PCDHB15: variants seen among roughly 807,000 people sequenced by gnomAD.
PCDHB15 encodes the protein protocadherin beta-15.
For missense variants in PCDHB15, 1,032 were observed against 991.7 expected, an observed-to-expected ratio of 1.04 and a Z score of -0.55; for synonymous variants, 492 against 447.9, an observed-to-expected ratio of 1.10 and a Z score of -1.24.
At position 141,245,922 on chromosome 5, in the gene PCDHB15, A is replaced by C; in HGVS notation, c.344A>C (p.Glu115Ala). The C allele has an allele frequency of 6.2e-7, 1 of 1,614,134 alleles. No individual in the cohort carries two copies. Among genetic ancestry groups the C allele is most frequent in the Non-Finnish European group, 8.5e-7 (1 of 1,180,020 alleles). The change falls in exon 1 of 1, where the codon GAA becomes GCA. Residue 115 changes from glutamate (E) to alanine (A), a missense_variant. Transcript: ENST00000231173. ...HFQVLLKKPL[E>A]VFRAELLVTD... Reference sequence around the variant, plus strand: ...CAAGTGTTACTGAAAAAACCTTTGGAAGTATTTCGAGCTGAACTACTAGTG... The same window carrying C: ...CAAGTGTTACTGAAAAAACCTTTGGCAGTATTTCGAGCTGAACTACTAGTG...
At position 141,247,886 on chromosome 5, in the gene PCDHB15, A is replaced by C. The variant is rs149027500; in HGVS notation, c.2308A>C (p.Ile770Leu). 33 of 1,614,092 alleles carry C rather than the reference A, an allele frequency of 2.0e-5. No homozygotes were observed. The highest frequency in any genetic ancestry group is 2.6e-5 in the Non-Finnish European group (31 of 1,179,936). ...ESNDFKFLKP[I>L]FPNIVSQDSR... ...TAATGATTTCAAGTTCTTGAAGCCT[A>C]TATTCCCAAATATTGTAAGCCAGGA... Residue 770 changes from isoleucine (I) to leucine (L), a missense_variant, in exon 1 of 1, where the codon ATA becomes CTA. Physicochemically the swap from Ile to Leu is conservative, Grantham distance 5. Coordinates refer to ENST00000231173, the MANE Select transcript of PCDHB15 (RefSeq NM_018935.4).
Position 141,246,707 on chromosome 5 carries a change from GA to G in PCDHB15, c.1133del (p.Asn378MetfsTer4). The G allele has an allele frequency of 6.2e-7, 1 of 1,614,134 alleles. No individual in the cohort carries two copies. Among genetic ancestry groups the G allele is most frequent in the Non-Finnish European group, 8.5e-7 (1 of 1,180,026 alleles). ...TAGGATTAGAGACCGAGACTCTGGG[GA>G]AAATGGAAAAATGATTTGCTCAATT... ...LFRIRDRDSG[E>X]NGKMICSIQD... On this transcript the variant is annotated frameshift_variant, in exon 1 of 1. Transcript: ENST00000231173. LOFTEE classifies it low-confidence loss of function (END_TRUNC).
In PCDHB15 at chr5:141,247,560, T is replaced by C. The variant is rs1554292262; in HGVS notation, c.1982T>C (p.Leu661Pro). 3 of 1,609,326 alleles carry C rather than the reference T, an allele frequency of 1.9e-6. No individual in the cohort carries two copies. The highest frequency in any genetic ancestry group is 3.3e-5 in the Admixed American group (2 of 60,020). ...PRSATATLQV[L>P]LVDGFSQPYL... ...TCGGCCACCGCCACGCTGCAAGTGC[T>C]CCTGGTGGACGGCTTCTCTCAGCCC... The change falls in exon 1 of 1, where the codon CTC becomes CCC. Residue 661 changes from leucine (L) to proline (P), a missense_variant. Physicochemically the swap from Leu to Pro is moderately conservative, Grantham distance 98. Coordinates refer to ENST00000231173, the MANE Select transcript of PCDHB15 (RefSeq NM_018935.4).
At position 141,247,609 on chromosome 5, in the gene PCDHB15, C is replaced by T. The variant is rs1554292278; in HGVS notation, c.2031C>T (p.Ala677=). 6.2e-7 allele frequency: 1 copy of T among 1,610,344 alleles called. No individual in the cohort carries two copies. The highest frequency in any genetic ancestry group is 1.1e-5 in the South Asian group (1 of 91,008). Residue 677 remains alanine (A), a synonymous_variant, in exon 1 of 1, where the codon GCC becomes GCT. Coordinates refer to ENST00000231173, the MANE Select transcript of PCDHB15 (RefSeq NM_018935.4). ...SQPYLPLPEA[A]PAQAQADSLT... is the part of the protein sequence containing the mutation. ...CCTACCTGCCGCTCCCAGAGGCGGCCCCGGCCCAAGCCCAGGCCGACTCGC... is the reference window on the plus strand; with the variant it reads ...CCTACCTGCCGCTCCCAGAGGCGGCTCCGGCCCAAGCCCAGGCCGACTCGC...
chr5:141,246,883 G>C lies in PCDHB15; in HGVS notation c.1305G>C (p.Gln435His), dbSNP rs782479157. 3.6e-5 allele frequency: 58 copies of C among 1,613,946 alleles called. No homozygotes were observed. Among genetic ancestry groups the C allele is most frequent in the East Asian group, 6.7e-5 (3 of 44,882 alleles). Residue 435 changes from glutamine (Q) to histidine (H), a missense_variant, in exon 1 of 1, where the codon CAG becomes CAC. Transcript: ENST00000231173. ...DLGTPRLKTE[Q>H]SITVLVSDVN... ...GGACTCCAAGGCTGAAAACCGAGCA[G>C]AGCATAACCGTGCTGGTGTCGGACG...
Position 141,245,903 on chromosome 5 carries a change from T to C in PCDHB15, c.325T>C (p.Leu109=), listed in dbSNP as rs1426221596. The change falls in exon 1 of 1, where the codon TTA becomes CTA. Residue 109 remains leucine (L), a synonymous_variant. Transcript: ENST00000231173. ...TEPCIMHFQV[L]LKKPLEVFRA... ...GCCCTGTATAATGCATTTCCAAGTG[T>C]TACTGAAAAAACCTTTGGAAGTATT... 1.3e-5 allele frequency: 21 copies of C among 1,614,024 alleles called. No individual in the cohort carries two copies. The highest frequency in any genetic ancestry group is 1.7e-5 in the Non-Finnish European group (20 of 1,180,040).
Position 141,247,610 on chromosome 5 carries a change from C to A in PCDHB15, c.2032C>A (p.Pro678Thr), listed in dbSNP as rs782581650. The change falls in exon 1 of 1, where the codon CCG becomes ACG. Residue 678 changes from proline (P) to threonine (T), a missense_variant. By Grantham distance (38) the Pro-to-Thr change is conservative. Coordinates refer to ENST00000231173, the MANE Select transcript of PCDHB15 (RefSeq NM_018935.4). The part of the protein sequence containing the change: ...QPYLPLPEAA[P>T]AQAQADSLTV... ...CTACCTGCCGCTCCCAGAGGCGGCC[C>A]CGGCCCAAGCCCAGGCCGACTCGCT... 5.6e-6 allele frequency: 9 copies of A among 1,610,300 alleles called. No homozygotes were observed. The Admixed American group carries it at 1.5e-4, about 27-fold the overall frequency.
In PCDHB15 at chr5:141,246,763, T is replaced by C; in HGVS notation, c.1185T>C (p.Pro395=). The change falls in exon 1 of 1, where the codon CCT becomes CCC. Residue 395 remains proline (P), a synonymous_variant. Coordinates refer to ENST00000231173, the MANE Select transcript of PCDHB15 (RefSeq NM_018935.4). ...ATGATGTTCCTTTTAAGCTAAAACC[T>C]TCTGTTGAGAATTTCTACAGGCTGG... is the stretch of plus-strand genomic sequence containing the variant. ...IQDDVPFKLK[P]SVENFYRLVT... 4 of 1,614,178 alleles carry C rather than the reference T, an allele frequency of 2.5e-6. No individual in the cohort carries two copies. Among genetic ancestry groups the C allele is most frequent in the Non-Finnish European group, 3.4e-6 (4 of 1,180,028 alleles).
rs781857731 is a variant in PCDHB15 at position 141,245,870 on chromosome 5, C to T, written c.292C>T (p.Pro98Ser). The T allele has an allele frequency of 1.2e-6, 2 of 1,614,090 alleles. No individual in the cohort carries two copies. Among genetic ancestry groups the T allele is most frequent in the Non-Finnish European group, 8.5e-7 (1 of 1,180,030 alleles). ...GCTGGACCGGGAGAAGCTGTGTGGC[C>T]CTACTGAGCCCTGTATAATGCATTT... ...EKLDREKLCG[P>S]TEPCIMHFQV... The change falls in exon 1 of 1, where the codon CCT becomes TCT. Residue 98 changes from proline (P) to serine (S), a missense_variant. Pro to Ser is a moderately conservative substitution (Grantham distance 74, BLOSUM62 -1). Coordinates refer to ENST00000231173, the MANE Select transcript of PCDHB15 (RefSeq NM_018935.4).
chr5:141,245,764 G>A lies in PCDHB15; in HGVS notation c.186G>A (p.Arg62=). The change falls in exon 1 of 1, where the codon CGG becomes CGA. Residue 62 remains arginine (R), a synonymous_variant. Transcript: ENST00000231173. ...TGGGAGTGGGGGAGCTAGCCGAGCG[G>A]GGAGCCCGGGTAGTTTCTGAGGATA... is the stretch of plus-strand genomic sequence containing the variant. ...LGLGVGELAE[R]GARVVSEDNE... is the part of the protein sequence containing the mutation. The A allele has an allele frequency of 3.7e-6, 6 of 1,614,206 alleles. No homozygotes were observed. The highest frequency in any genetic ancestry group is 5.1e-6 in the Non-Finnish European group (6 of 1,180,050).
At position 141,246,085 on chromosome 5, in the gene PCDHB15, C is replaced by A; in HGVS notation, c.507C>A (p.Asn169Lys). The A allele has an allele frequency of 6.2e-7, 1 of 1,614,162 alleles. No individual in the cohort carries two copies. Among genetic ancestry groups the A allele is most frequent in the Non-Finnish European group, 8.5e-7 (1 of 1,180,042 alleles). ...ACGTGGGCAGCAATAATGTTCAAAA[C>A]TACAATATTTCTCCCAATTCTCATT... ...DLDVGSNNVQ[N>K]YNISPNSHFH... Residue 169 changes from asparagine to lysine, a missense_variant, in exon 1 of 1, where the codon AAC becomes AAA. Coordinates refer to ENST00000231173, the MANE Select transcript of PCDHB15 (RefSeq NM_018935.4).
Position 141,246,761 on chromosome 5 carries a change from C to T in PCDHB15, c.1183C>T (p.Pro395Ser), listed in dbSNP as rs1554292008. 3 of 1,614,090 alleles carry T rather than the reference C, an allele frequency of 1.9e-6. No homozygotes were observed. Among genetic ancestry groups the T allele is most frequent in the South Asian group, 2.2e-5 (2 of 91,084 alleles). Residue 395 changes from proline to serine, a missense_variant, in exon 1 of 1, where the codon CCT becomes TCT. Transcript: ENST00000231173. The part of the protein sequence containing the change: ...IQDDVPFKLK[P>S]SVENFYRLVT... ...GGATGATGTTCCTTTTAAGCTAAAA[C>T]CTTCTGTTGAGAATTTCTACAGGCT...
chr5:141,245,733 TA>T lies in PCDHB15; in HGVS notation c.156del (p.Leu54TrpfsTer6). 1 of 1,614,118 alleles carries T rather than the reference TA, an allele frequency of 6.2e-7. No homozygotes were observed. ...TTTGTAGCCAACCTGGCCAATGACC[TA>T]GGGCTGGGAGTGGGGGAGCTAGCCG... is the stretch of plus-strand genomic sequence containing the variant. ...GSFVANLANDLGLGVGELAER... is the reference protein window; with the variant it reads ...GSFVANLANDXGLGVGELAER... On this transcript the variant is annotated frameshift_variant, in exon 1 of 1. Transcript: ENST00000231173. LOFTEE classifies it low-confidence loss of function (END_TRUNC).
rs377255361 is a variant in PCDHB15 at position 141,246,956 on chromosome 5, G to T, written c.1378G>T (p.Val460Phe). 7 of 1,613,206 alleles carry T rather than the reference G, an allele frequency of 4.3e-6. No homozygotes were observed. Among genetic ancestry groups the T allele is most frequent in the East Asian group, 2.2e-5 (1 of 44,868 alleles). ...AFTQTSYTLF[V>F]RENNSPALHI... ...CACCCAAACCTCCTACACCCTGTTC[G>T]TCCGCGAGAACAACAGCCCCGCCCT... Residue 460 changes from valine (V) to phenylalanine (F), a missense_variant, in exon 1 of 1, where the codon GTC becomes TTC. Val to Phe is a conservative substitution (Grantham distance 50). Transcript: ENST00000231173.
At position 141,245,611 on chromosome 5, in the gene PCDHB15, A is replaced by T; in HGVS notation, c.33A>T (p.Gln11His). 1 of 1,614,184 alleles carries T rather than the reference A, an allele frequency of 6.2e-7. No homozygotes were observed. The highest frequency in any genetic ancestry group is 1.6e-4 in the Middle Eastern group (1 of 6,062). The change falls in exon 1 of 1, where the codon CAA (glutamine) becomes CAT (histidine). Residue 11 changes from glutamine (Q) to histidine (H), a missense_variant. By Grantham distance (24) the Gln-to-His change is conservative. Coordinates refer to ENST00000231173, the MANE Select transcript of PCDHB15 (RefSeq NM_018935.4). ...CTGCAGGGGAGCGCTTTCCCGAACA[A>T]AGGCAAGTCCTGATTCTCCTTCTTT... Reference protein sequence around the residue: MEPAGERFPEQRQVLILLLLL... With the variant: MEPAGERFPEHRQVLILLLLL...
In PCDHB15 at chr5:141,247,999, C is replaced by G; in HGVS notation, c.*57C>G. 6.7e-7 allele frequency: 1 copy of G among 1,496,830 alleles called. No individual in the cohort carries two copies. The highest frequency in any genetic ancestry group is 8.9e-7 in the Non-Finnish European group (1 of 1,119,474). 92.7% of individuals were successfully genotyped at this position (1,496,830 alleles called of 1,614,324 possible). A position where few individuals can be genotyped will look rare whatever the true frequency, so the allele number is the denominator to read the frequency against. On this transcript the variant is annotated 3_prime_UTR_variant, in exon 1 of 1. Coordinates refer to ENST00000231173, the MANE Select transcript of PCDHB15 (RefSeq NM_018935.4). The stretch of plus-strand genomic sequence containing the variant: ...TAATTTTGTCTTCCTCACTTTTCAC[C>G]TTAGTTTTTTTTAACCCTTTAGTAA...
chr5:141,247,520 G>T lies in PCDHB15; in HGVS notation c.1942G>T (p.Gly648Cys). ...HRLVVLVKDN[G>C]EPPRSATATL... ...GCTAGTGGTGCTGGTCAAGGACAAT[G>T]GCGAGCCTCCGCGCTCGGCCACCGC... Residue 648 changes from glycine (G) to cysteine (C), a missense_variant, in exon 1 of 1, where the codon GGC becomes TGC. Physicochemically the swap from Gly to Cys is radical, Grantham distance 159 (BLOSUM62 -3). Coordinates refer to ENST00000231173, the MANE Select transcript of PCDHB15 (RefSeq NM_018935.4). The T allele has an allele frequency of 6.2e-7, 1 of 1,608,726 alleles. No individual in the cohort carries two copies.
rs371639102 is a variant in PCDHB15, at chr5:141,247,001, G to A, written c.1423G>A (p.Ala475Thr). The A allele has an allele frequency of 6.8e-6, 11 of 1,613,164 alleles. No individual in the cohort carries two copies. Among genetic ancestry groups the A allele is most frequent in the Admixed American group, 1.7e-5 (1 of 59,998 alleles). ...SPALHIGSVS[A>T]TDRDSGTNAQ... Reference sequence around the variant, plus strand: ...CGCCCTGCACATCGGCAGTGTCAGCGCCACAGACAGAGACTCGGGCACCAA... The same window carrying A: ...CGCCCTGCACATCGGCAGTGTCAGCACCACAGACAGAGACTCGGGCACCAA... The change falls in exon 1 of 1, where the codon GCC becomes ACC. Residue 475 changes from alanine (A) to threonine (T), a missense_variant. Ala to Thr is a moderately conservative substitution (Grantham distance 58). Transcript: ENST00000231173.
At position 141,249,357 on chromosome 5, in the gene PCDHB15, T is replaced by G. The variant is rs1171686277; in HGVS notation, c.*1415T>G. ...AGTCACTTCCTTGCAATAAATTGAT[T>G]ACTACACATCTGCTGCCTGTTTCTC... On this transcript the variant is annotated 3_prime_UTR_variant, in exon 1 of 1. Coordinates refer to ENST00000231173, the MANE Select transcript of PCDHB15 (RefSeq NM_018935.4). 3.3e-5 allele frequency: 5 copies of G among 152,250 alleles called. No homozygotes were observed. Among genetic ancestry groups the G allele is most frequent in the African/African-American group, 1.2e-4 (5 of 41,464 alleles). 9.4% of individuals were successfully genotyped at this position (152,250 alleles called of 1,614,324 possible).
Sources: allele counts gnomAD v4.1 joint callset, GRCh38; gene constraint gnomAD v4.1.1; transcripts MANE v1.5; gene names NCBI Gene and HGNC (gene_info 2026-07-23, HGNC 2026-07-21).